RGS6: variants seen among roughly 807,000 people sequenced by gnomAD.
The protein encoded by RGS6 is regulator of G-protein signaling 6.
RGS6 carries 30 observed loss-of-function variants against 78.5 expected under a neutral mutation model. The observed-to-expected ratio is 0.38, with a 90% CI of 0.29 to 0.52. RGS6 has a LOEUF of 0.52. Among genes scored for constraint, RGS6 ranks in the 20% least tolerant of loss-of-function variants. RGS6 has a pLI of 0.85. For missense variants in RGS6, 495 were observed against 609.7 expected (o/e 0.81, Z 1.98); for synonymous variants, 206 against 206.0 (o/e 1.00, Z 0.00).
intron 2 of RGS6, among the ~76,000 whole-genome samples, chr14:72,287,795 G>C (rs1434116227): frequency 2.6e-5 from 4 of 152,192 alleles, no homozygotes; most frequent in Non-Finnish European, 5.9e-5. Flanking sequence ...TCTATACCTA[G>C]TTTGTTGAGA....
At chr14:72,360,446 C>T (rs1450224249) in intron 3 of RGS6, among the ~76,000 whole-genome samples, 1 of 151,824 alleles carries the variant, frequency 6.6e-6, no homozygotes, top group Admixed American at 6.6e-5. Flanking sequence ...GGCATGAACC[C>T]AGGAGGCAGA....
At chr14:72,042,148 G>C (rs2092470340) in intron 2 of RGS6, among the ~76,000 whole-genome samples, 1 of 123,336 alleles carries the variant, frequency 8.1e-6, no homozygotes, top group African/African-American at 2.9e-5. Context: ...TTTTTTTTGA[G>C]ATAGAGTCTT....
At chr14:72,552,214 G>A (rs919548346) in intron 17 of RGS6, among the ~76,000 whole-genome samples, 3 of 152,230 alleles carry the variant, frequency 2.0e-5, no homozygotes, top group African/African-American at 7.2e-5. Context: ...TGGCAGCTAT[G>A]ATTGTTGGCT....
chr14:72,475,848 A>ACACG (rs1448031314), intron 10 of RGS6, among the ~76,000 whole-genome samples: 14 of 151,314 alleles, frequency 9.3e-5, no homozygotes, highest in African/African-American at 3.4e-4. Flanking sequence ...ACACACACAC[A>ACACG]CACACTAGAC....
chr14:72,628,796 A>G, the RGS6 span, among the ~76,000 whole-genome samples: 7,418 of 152,310 alleles, frequency 0.049, 384 homozygotes, highest in East Asian at 0.14. Context: ...CAGCACAGAG[A>G]TATACTCAGT....
chr14:72,015,910 T>C (rs562215325), intron 2 of RGS6, among the ~76,000 whole-genome samples: 14 of 152,316 alleles, frequency 9.2e-5, no homozygotes, highest in Non-Finnish European at 1.9e-4. Context: ...CTATTGCCAT[T>C]GGCCTTTTTA....
chr14:72,148,915 T>G (rs1257804065), intron 2 of RGS6, among the ~76,000 whole-genome samples: 1 of 152,220 alleles, frequency 6.6e-6, no homozygotes. Flanking sequence ...TTATCTAACA[T>G]TGCATGATAA....
upstream of RGS6, among the ~76,000 whole-genome samples, chr14:71,927,546 G>A (rs968163640): frequency 2.0e-5 from 3 of 152,194 alleles, no homozygotes; most frequent in Non-Finnish European, 2.9e-5. Flanking sequence ...TTCTATGAAG[G>A]AAGGGCCCCA....
At chr14:72,410,191 G>A (rs948226359) in intron 3 of RGS6, among the ~76,000 whole-genome samples, 1 of 152,180 alleles carries the variant, frequency 6.6e-6, no homozygotes, top group Non-Finnish European at 1.5e-5. Flanking sequence ...CAGTGTAAAA[G>A]TGTTCCTATT....
rs1393206531 is a variant in RGS6 at position 72,565,077 on chromosome 14, C to T, written c.*2610C>T. ...CCGTCCCCCATTGGCCTGGTCTACA[C>T]AGCCAAAAATTCAGACTAGATTAGA... On this transcript the variant is annotated 3_prime_UTR_variant, in exon 18 of 18. Coordinates refer to ENST00000553525, the MANE Select transcript of RGS6 (RefSeq NM_001204424.2). The T allele has an allele frequency of 6.6e-6, 1 of 152,244 alleles. No homozygotes were observed. The highest frequency in any genetic ancestry group is 1.5e-5 in the Non-Finnish European group (1 of 68,058). 9.4% of individuals were successfully genotyped at this position (152,244 alleles called of 1,614,324 possible). A position where few individuals can be genotyped will look rare whatever the true frequency, so the allele number is the denominator to read the frequency against.
chr14:72,523,062 G>T (rs1301034327), intron 15 of RGS6, among the ~76,000 whole-genome samples: 1 of 152,236 alleles, frequency 6.6e-6, no homozygotes, highest in Middle Eastern at 3.2e-3. Flanking sequence ...GACAGCACTG[G>T]CTGCCTGCCC....
chr14:71,983,506 G>C (rs186310760), intron 2 of RGS6, among the ~76,000 whole-genome samples: 6 of 152,312 alleles, frequency 3.9e-5, no homozygotes, highest in Admixed American at 3.9e-4. Flanking sequence ...CTGAAATCAA[G>C]GACTGGGCAG....
At chr14:72,419,136 A>G (rs1264774026) in intron 3 of RGS6, among the ~76,000 whole-genome samples, 4 of 152,240 alleles carry the variant, frequency 2.6e-5, no homozygotes, top group African/African-American at 7.2e-5. Context: ...TGTTCTTACC[A>G]TTAGAGAAGG....
intron 15 of RGS6, among the ~76,000 whole-genome samples, chr14:72,532,330 T>TTG (rs1238303969): frequency 1.3e-5 from 2 of 152,180 alleles, no homozygotes; most frequent in East Asian, 3.9e-4. Context: ...TTAATACATG[T>TTG]TGTGTGTGTG....
chr14:71,987,613 C>G (rs899873663), intron 2 of RGS6, among the ~76,000 whole-genome samples: 7 of 152,036 alleles, frequency 4.6e-5, no homozygotes, highest in African/African-American at 1.7e-4. Flanking sequence ...CAGCCTTGAC[C>G]TCTGGGGCTT....
chr14:72,415,366 G>C (rs754330949), intron 3 of RGS6, among the ~76,000 whole-genome samples: 99 of 152,352 alleles, frequency 6.5e-4, no homozygotes, highest in Middle Eastern at 6.8e-3. Flanking sequence ...CTCCTGGTGT[G>C]CCATTTGTTA....
rs150654950 is a variant in RGS6 at position 72,436,094 on chromosome 14, G to A, written c.185-18434G>A. Among the ~76,000 whole-genome samples the A allele has an allele frequency of 2.0e-5, 3 of 152,278 alleles. No homozygotes were observed. In the East Asian group the frequency reaches 5.8e-4, roughly 29 times the overall value. On this transcript the variant is annotated intron_variant, in intron 3 of 17. Transcript: ENST00000553525. ...CCTTTCCTTTCTAAAGCTGAGATAT[G>A]ATGGCTGATGCTTTAGCAGCCATTG...
intron 3 of RGS6, among the ~76,000 whole-genome samples, chr14:72,409,504 A>T (rs2093224769): frequency 6.6e-6 from 1 of 152,126 alleles, no homozygotes; most frequent in African/African-American, 2.4e-5. Flanking sequence ...CTCCCAATTA[A>T]AATTTTTTTA....
chr14:71,945,456 A>G (rs1566883650), intron 1 of RGS6, among the ~76,000 whole-genome samples: 1 of 152,244 alleles, frequency 6.6e-6, no homozygotes, highest in Non-Finnish European at 1.5e-5. Flanking sequence ...AGGTAAAGGA[A>G]ATGAGGGAAG....
Sources: allele counts gnomAD v4.1 joint callset (sites outside exome capture counted in the v4.1 genomes callset), GRCh38; gene constraint gnomAD v4.1.1; transcripts MANE v1.5; gene names NCBI Gene and HGNC (gene_info 2026-07-23, HGNC 2026-07-21).